MUC13: variants seen among roughly 807,000 people sequenced by gnomAD.
MUC13 encodes the protein mucin 13, cell surface associated, also known as mucin-13.
Under a neutral mutation model 48.3 loss-of-function variants are expected in MUC13, and 32 were observed. The ratio of observed to expected loss-of-function variants is 0.66; its 90% CI spans 0.50 to 0.89. The LOEUF (loss-of-function observed/expected upper bound fraction) is 0.89, where lower values mean the gene tolerates loss of function less well. Ranked by LOEUF, MUC13 falls within the 40% of genes least tolerant of loss-of-function variation. The pLI is 0.00. For synonymous variants in MUC13, 199 were observed against 224.9 expected, an observed-to-expected ratio of 0.88 and a Z score of 1.03; for missense variants, 571 against 622.8, an observed-to-expected ratio of 0.92 and a Z score of 0.88.
At chr3:124,920,812 G>T (rs1480711089) in intron 4 of MUC13, among the ~76,000 whole-genome samples, 3 of 152,226 alleles carry the variant, frequency 2.0e-5, no homozygotes, top group African/African-American at 7.2e-5. Flanking sequence ...CATTGATGTT[G>T]CTGTCTTCAA....
chr3:124,908,372 G>C, intron 10 of MUC13, 24 bp from the exon 11 acceptor site: 1 of 1,588,362 alleles, frequency 6.3e-7, no homozygotes, highest in Non-Finnish European at 8.6e-7. Context: ...GAGGAATTAG[G>C]ATTTGACAAT....
chr3:124,927,721 T>C lies in MUC13; in HGVS notation c.325A>G (p.Thr109Ala). The change falls in exon 2 of 12, where the codon ACC becomes GCC. Residue 109 changes from threonine (T) to alanine (A), a missense_variant. By Grantham distance (58) the Thr-to-Ala change is moderately conservative. Transcript: ENST00000616727. ...PIPTAADSES[T>A]TNVNSLATSD... ...GTAGCTAATGAATTTACATTTGTGG[T>C]TGACTCACTGTCTGCAGCAGTAGGT... 1 of 1,614,188 alleles carries C rather than the reference T, an allele frequency of 6.2e-7. No individual in the cohort carries two copies. The highest frequency in any genetic ancestry group is 8.5e-7 in the Non-Finnish European group (1 of 1,180,028).
chr3:124,925,909 T>C (rs1909577), intron 2 of MUC13, among the ~76,000 whole-genome samples: 150,831 of 152,318 alleles, frequency 0.99, 74,691 homozygotes, highest in Middle Eastern at 1. Flanking sequence ...GCCACCATGC[T>C]CGGCTTCCAT....
chr3:124,920,523 A>G (rs1237514899), intron 4 of MUC13, among the ~76,000 whole-genome samples: 1 of 152,182 alleles, frequency 6.6e-6, no homozygotes. Context: ...CTCTACTCTA[A>G]TGGTTGCAAG....
Position 124,916,603 on chromosome 3 carries a change from C to T in MUC13, c.801-123G>A, listed in dbSNP as rs1012394062. 31 of 1,016,406 alleles carry T rather than the reference C, an allele frequency of 3.0e-5. No individual in the cohort carries two copies. In the Admixed American group the frequency reaches 3.4e-4, roughly 11 times the overall value. 63.0% of individuals were successfully genotyped at this position (1,016,406 alleles called of 1,614,324 possible). On this transcript the variant is annotated intron_variant, in intron 5 of 11. Coordinates refer to ENST00000616727, the MANE Select transcript of MUC13 (RefSeq NM_033049.4). Reference sequence around the variant, plus strand: ...GACCCGCTGTCCTGTCCCTATGATTCGGACCCACATATGGAGGCCGGGGGC... The same window carrying T: ...GACCCGCTGTCCTGTCCCTATGATTTGGACCCACATATGGAGGCCGGGGGC...
chr3:124,920,688 G>A (rs1483437611), intron 4 of MUC13, among the ~76,000 whole-genome samples: 1 of 152,228 alleles, frequency 6.6e-6, no homozygotes, highest in Non-Finnish European at 1.5e-5. Flanking sequence ...TGTAACTGGA[G>A]GGGGCTTTTG....
Position 124,920,495 on chromosome 3 carries a change from T to C in MUC13, c.745-206A>G, listed in dbSNP as rs1421871807. ...CTAAGAGGACCTTGAAGAAAGTAAGTTGTCTCTATTTTCCTAACTCTACTC... is the reference window on the plus strand; with the variant it reads ...CTAAGAGGACCTTGAAGAAAGTAAGCTGTCTCTATTTTCCTAACTCTACTC... On this transcript the variant is annotated intron_variant, in intron 4 of 11. Coordinates refer to ENST00000616727, the MANE Select transcript of MUC13 (RefSeq NM_033049.4). Among the ~76,000 whole-genome samples, 5 of 152,166 alleles carry C rather than the reference T, an allele frequency of 3.3e-5. No individual in the cohort carries two copies. The East Asian group carries it at 9.6e-4, about 29-fold the overall frequency.
chr3:124,919,338 A>C (rs1269970427), intron 5 of MUC13, among the ~76,000 whole-genome samples: 1 of 42,302 alleles, frequency 2.4e-5, no homozygotes, highest in East Asian at 5.5e-4. Flanking sequence ...ATTCCATCTC[A>C]AAAAAAAAAA....
At chr3:124,931,814 G>A (rs1312670532) in intron 1 of MUC13, among the ~76,000 whole-genome samples, 2 of 151,974 alleles carry the variant, frequency 1.3e-5, no homozygotes, top group Non-Finnish European at 2.9e-5. Context: ...GGAGGCCAAG[G>A]CGGGCGGATC....
At position 124,908,281 on chromosome 3, in the gene MUC13, GT is replaced by G; in HGVS notation, c.1404del (p.Lys468AsnfsTer22). 1.2e-6 allele frequency: 2 copies of G among 1,614,160 alleles called. No homozygotes were observed. Among genetic ancestry groups the G allele is most frequent in the Non-Finnish European group, 1.7e-6 (2 of 1,180,030 alleles). Reference protein sequence around the residue: ...NLIDEDFQNLKLRSTGFTNLG... With the variant: ...NLIDEDFQNLXLRSTGFTNLG... ...AGATTGGTGAAGCCTGTCGACCGCA[GT>G]TTTAGATTTTGAAAGTCTTCGTCAA... On this transcript the variant is annotated frameshift_variant, in exon 11 of 12. Coordinates refer to ENST00000616727, the MANE Select transcript of MUC13 (RefSeq NM_033049.4). LOFTEE classifies it high-confidence loss of function.
chr3:124,933,741 C>T (rs1935837190), intron 1 of MUC13, among the ~76,000 whole-genome samples: 2 of 152,154 alleles, frequency 1.3e-5, no homozygotes, highest in Non-Finnish European at 2.9e-5. Flanking sequence ...GCTGAAGGTT[C>T]CTGGGTACAC....
intron 1 of MUC13, among the ~76,000 whole-genome samples, chr3:124,930,012 G>A (rs1367396889): frequency 6.6e-6 from 1 of 152,230 alleles, no homozygotes; most frequent in Non-Finnish European, 1.5e-5. Flanking sequence ...GGCTCTCGCT[G>A]TGGAAAACTC....
At chr3:124,926,870 A>G (rs9809201) in intron 2 of MUC13, among the ~76,000 whole-genome samples, 65,662 of 152,050 alleles carry the variant, frequency 0.43, 14,205 homozygotes, top group South Asian at 0.47. Context: ...TGATAAACGT[A>G]GTTGATTTCT....
intron 11 of MUC13, 105 bp downstream of exon 11, chr3:124,908,042 A>G: frequency 9.0e-7 from 1 of 1,107,090 alleles, no homozygotes; most frequent in Admixed American, 2.8e-5. Context: ...AAAAAGAAAA[A>G]GAAAGCCTGC....
chr3:124,914,530 C>T (rs1935478400), intron 6 of MUC13, among the ~76,000 whole-genome samples: 1 of 152,190 alleles, frequency 6.6e-6, no homozygotes, highest in Non-Finnish European at 1.5e-5. Context: ...TCCTTCATCA[C>T]CTGCCACATG....
At chr3:124,921,426 C>A (rs767782894) in intron 4 of MUC13, among the ~76,000 whole-genome samples, 1 of 152,168 alleles carries the variant, frequency 6.6e-6, no homozygotes. Context: ...GCTAGGATTA[C>A]GGACATGAGC....
chr3:124,912,000 G>C, intron 9 of MUC13, 104 bp downstream of exon 9: 1 of 1,455,336 alleles, frequency 6.9e-7, no homozygotes, highest in Non-Finnish European at 9.3e-7. Context: ...CTTTATGAAA[G>C]AGGACAGAGA....
At position 124,923,537 on chromosome 3, in the gene MUC13, T is replaced by C. The variant is rs1272935398; in HGVS notation, c.627A>G (p.Thr209=). The C allele has an allele frequency of 6.2e-7, 1 of 1,613,646 alleles. No homozygotes were observed. The highest frequency in any genetic ancestry group is 1.1e-5 in the South Asian group (1 of 90,924). The part of the protein sequence containing the change: ...CLEGYYYNSS[T]CKKGKVFPGK... ...TCCCTTGTAACTCACCTTTCTTACA[T>C]GTAGAAGAGTTGTAGTAATACCCTT... is the stretch of plus-strand genomic sequence containing the variant. Residue 209 remains threonine (T), a synonymous_variant, in exon 3 of 12, where the codon ACA becomes ACG. Coordinates refer to ENST00000616727, the MANE Select transcript of MUC13 (RefSeq NM_033049.4).
chr3:124,918,522 T>A (rs1935543015), intron 5 of MUC13, among the ~76,000 whole-genome samples: 1 of 152,232 alleles, frequency 6.6e-6, no homozygotes, highest in Admixed American at 6.5e-5. Context: ...AAATCAACTA[T>A]GTGCCAGGCA....
Sources: gnomAD v4.1 joint callset for allele counts (sites outside exome capture counted in the v4.1 genomes callset) on GRCh38, gnomAD v4.1.1 for gene constraint, MANE v1.5 for transcripts, NCBI Gene and HGNC (gene_info 2026-07-23, HGNC 2026-07-21) for gene names.